Variants in RFT1 observed in about 807,000 individuals in gnomAD.
The protein encoded by RFT1 is RFT1 glycolipid translocator homolog.
A neutral mutation model predicts 62.2 loss-of-function variants in RFT1; 43 were observed. That is an observed-to-expected ratio of 0.69 (90% CI 0.54 to 0.89). RFT1 has a LOEUF of 0.89. RFT1 is among the 40% of genes least tolerant of loss of function. The probability of loss-of-function intolerance (pLI) is 0.00; values close to 1 mark genes in which losing one functional copy is unlikely to be tolerated. For missense variants in RFT1, 605 were observed against 649.9 expected (o/e 0.93, Z 0.75); for synonymous variants, 262 against 264.6 (o/e 0.99, Z 0.10).
At chr3:53,107,630 G>A (rs1701523860) in intron 7 of RFT1, among the ~76,000 whole-genome samples, 1 of 151,044 alleles carries the variant, frequency 6.6e-6, no homozygotes, top group Non-Finnish European at 1.5e-5. Context: ...CAAGGCATTA[G>A]ACTGTCTTAG....
chr3:53,100,300 C>T (rs1701275624), intron 10 of RFT1, among the ~76,000 whole-genome samples: 1 of 152,184 alleles, frequency 6.6e-6, no homozygotes, highest in South Asian at 2.1e-4. Context: ...TAACAAGCTT[C>T]GGAAAAATCT....
chr3:53,074,523 A>G, the RFT1 span, among the ~76,000 whole-genome samples: 4 of 151,858 alleles, frequency 2.6e-5, no homozygotes, highest in African/African-American at 9.7e-5. Flanking sequence ...AGGGGAGGGG[A>G]GGGTCCTGAT....
At position 53,130,409 on chromosome 3, in the gene RFT1, C is replaced by G; in HGVS notation, c.-9G>C. ...ACCTCCTGGCTGCCCATAGCCTCCGCGCCAGGCTCAGACACCAGGAAATGC... is the reference window on the plus strand; with the variant it reads ...ACCTCCTGGCTGCCCATAGCCTCCGGGCCAGGCTCAGACACCAGGAAATGC... On this transcript the variant is annotated 5_prime_UTR_variant, in exon 1 of 13. Transcript: ENST00000296292. 6.4e-7 allele frequency: 1 copy of G among 1,551,774 alleles called. No homozygotes were observed. The highest frequency in any genetic ancestry group is 8.7e-7 in the Non-Finnish European group (1 of 1,147,682).
intron 11 of RFT1, among the ~76,000 whole-genome samples, chr3:53,097,548 T>C (rs1381973173): frequency 1.3e-5 from 2 of 152,220 alleles, no homozygotes; most frequent in Non-Finnish European, 2.9e-5. Flanking sequence ...TTTCCTTTGG[T>C]TCAATACAAT....
At chr3:53,105,535 T>C (rs1489294027) in intron 9 of RFT1, 138 bp downstream of exon 9, 3 of 1,106,150 alleles carry the variant, frequency 2.7e-6, no homozygotes, top group East Asian at 2.5e-5. Flanking sequence ...CCCACTATCA[T>C]GAAGAATGTA....
chr3:53,076,423 CA>C, the RFT1 span, among the ~76,000 whole-genome samples: 1 of 151,680 alleles, frequency 6.6e-6, no homozygotes, highest in Non-Finnish European at 1.5e-5. Flanking sequence ...ATATAAAGTA[CA>C]AATATAAAAA....
chr3:53,093,870 A>G (rs1559579829), intron 11 of RFT1, among the ~76,000 whole-genome samples: 1 of 152,144 alleles, frequency 6.6e-6, no homozygotes, highest in Non-Finnish European at 1.5e-5. Context: ...AAAATTAAAA[A>G]ATTAGCCGTG....
At chr3:53,130,213 C>T (rs909950307) in intron 1 of RFT1, 125 bp downstream of exon 1, 3 of 955,014 alleles carry the variant, frequency 3.1e-6, no homozygotes, top group African/African-American at 3.2e-5. Flanking sequence ...ACCCCCCCAC[C>T]CCCTCCATTG....
chr3:53,096,452 T>G (rs1331044298), intron 11 of RFT1, among the ~76,000 whole-genome samples: 2 of 151,890 alleles, frequency 1.3e-5, no homozygotes, highest in Admixed American at 6.6e-5. Context: ...GAGGCTGAGA[T>G]GGGCAGATCA....
At position 53,121,944 on chromosome 3, in the gene RFT1, T is replaced by C. The variant is rs564896801; in HGVS notation, c.457-144A>G. 1.1e-3 allele frequency: 779 copies of C among 711,742 alleles called. 6 individuals carry two copies. The highest frequency in any genetic ancestry group is 4.7e-3 in the South Asian group (308 of 66,186). 44.1% of individuals were successfully genotyped at this position (711,742 alleles called of 1,614,324 possible). On this transcript the variant is annotated intron_variant, in intron 4 of 12. Transcript: ENST00000296292. ...GCTGGACATAAGTATCAGTAACGTT[T>C]TACTTCTTGGGTAGGGTGGTGGGTT... is the stretch of plus-strand genomic sequence containing the variant.
At chr3:53,113,078 T>C (rs766699309) in intron 6 of RFT1, among the ~76,000 whole-genome samples, 3 of 152,208 alleles carry the variant, frequency 2.0e-5, no homozygotes, top group Non-Finnish European at 4.4e-5. Context: ...TGCAGTGGCA[T>C]GATCATAGCT....
At chr3:53,071,963 C>T in the RFT1 span, among the ~76,000 whole-genome samples, 1 of 152,228 alleles carries the variant, frequency 6.6e-6, no homozygotes, top group South Asian at 2.1e-4. Context: ...CTGGGTTTAG[C>T]ACCACTGTGG....
chr3:53,098,591 A>G (rs1326788775), intron 11 of RFT1, among the ~76,000 whole-genome samples: 1 of 152,118 alleles, frequency 6.6e-6, no homozygotes, highest in Non-Finnish European at 1.5e-5. Context: ...TCACAAGGTC[A>G]GGAGATCGAG....
intron 10 of RFT1, among the ~76,000 whole-genome samples, chr3:53,099,964 G>A (rs1701267298): frequency 6.6e-6 from 1 of 152,110 alleles, no homozygotes; most frequent in African/African-American, 2.4e-5. Context: ...CTCCAGCCTG[G>A]GTGACAGAAC....
chr3:53,093,277 C>A (rs1158999680), intron 11 of RFT1, among the ~76,000 whole-genome samples: 1 of 152,216 alleles, frequency 6.6e-6, no homozygotes, highest in Non-Finnish European at 1.5e-5. Flanking sequence ...CAGACTCTTA[C>A]ATATCCTCAC....
chr3:53,103,248 A>G, intron 10 of RFT1: 1 of 985,432 alleles, frequency 1.0e-6, no homozygotes, highest in Non-Finnish European at 1.2e-6. Flanking sequence ...AGAAGTCCTC[A>G]GCGTTCTTGT....
intron 11 of RFT1, among the ~76,000 whole-genome samples, chr3:53,097,832 T>A (rs1701186588): frequency 6.6e-6 from 1 of 152,216 alleles, no homozygotes; most frequent in Non-Finnish European, 1.5e-5. Flanking sequence ...AAAGCTAAAT[T>A]GAAATAGACT....
At chr3:53,117,264 G>T in intron 6 of RFT1, among the ~76,000 whole-genome samples, 1 of 152,208 alleles carries the variant, frequency 6.6e-6, no homozygotes, top group East Asian at 1.9e-4. Context: ...ATTGTAAATG[G>T]CTCTTTGTCA....
chr3:53,091,686 C>T lies in RFT1; in HGVS notation c.*217G>A, dbSNP rs918873931. 4 of 604,328 alleles carry T rather than the reference C, an allele frequency of 6.6e-6. No homozygotes were observed. The highest frequency in any genetic ancestry group is 1.9e-5 in the South Asian group (1 of 51,534). 37.4% of individuals were successfully genotyped at this position (604,328 alleles called of 1,614,324 possible). A position where few individuals can be genotyped will look rare whatever the true frequency, so the allele number is the denominator to read the frequency against. Reference sequence around the variant, plus strand: ...ATAAAAAACTATTATTTTTAAAGGGCTTTTGGTCTTCACTTAAAAATGAAA... The same window carrying T: ...ATAAAAAACTATTATTTTTAAAGGGTTTTTGGTCTTCACTTAAAAATGAAA... On this transcript the variant is annotated 3_prime_UTR_variant, in exon 13 of 13. Transcript: ENST00000296292.
Sources: gnomAD v4.1 joint callset for allele counts (sites outside exome capture counted in the v4.1 genomes callset) on GRCh38, gnomAD v4.1.1 for gene constraint, MANE v1.5 for transcripts, NCBI Gene and HGNC (gene_info 2026-07-23, HGNC 2026-07-21) for gene names.